Variants in ECPAS observed in about 807,000 individuals in gnomAD.
ECPAS encodes proteasome adapter and scaffold protein ECM29.
Under a neutral mutation model 255.1 loss-of-function variants are expected in ECPAS, and 70 were observed. That is an observed-to-expected ratio of 0.27 (90% CI 0.23 to 0.33). The LOEUF is 0.33. ECPAS is among the 10% of genes least tolerant of loss of function. The pLI, the probability that ECPAS is intolerant of heterozygous loss-of-function variation, is 1.00. For synonymous variants in ECPAS, 784 were observed against 775.0 expected (o/e 1.01, Z -0.19); for missense variants, 1,817 against 2,206.4 (o/e 0.82, Z 3.54).
chr9:111,370,397 A>C (rs2098125890), intron 45 of ECPAS, 38 bp downstream of exon 45: 1 of 1,369,406 alleles, frequency 7.3e-7, no homozygotes. Context: ...TTTTCTTTTT[A>C]AAGTATAAAC....
chr9:111,451,677 C>T (rs1163451336), intron 2 of ECPAS, 122 bp from the exon 3 acceptor site: 2 of 870,084 alleles, frequency 2.3e-6, no homozygotes, highest in East Asian at 2.7e-5. Flanking sequence ...TTAACCACAG[C>T]TAGCCCTATA....
chr9:111,449,883 A>C (rs2098258009), intron 3 of ECPAS, among the ~76,000 whole-genome samples: 1 of 152,010 alleles, frequency 6.6e-6, no homozygotes, highest in Non-Finnish European at 1.5e-5. Flanking sequence ...AAGGCATCAC[A>C]CTCTGTCCCA....
chr9:111,432,787 T>A (rs2098232060), intron 8 of ECPAS, among the ~76,000 whole-genome samples: 1 of 152,258 alleles, frequency 6.6e-6, no homozygotes, highest in Admixed American at 6.5e-5. Flanking sequence ...TTCCTATCTG[T>A]ATCTCCTCGT....
chr9:111,384,862 T>TATGTGAGA (rs2098145709), intron 33 of ECPAS, among the ~76,000 whole-genome samples: 1 of 152,186 alleles, frequency 6.6e-6, no homozygotes, highest in South Asian at 2.1e-4. Context: ...CATAAAGATC[T>TATGTGAGA]ATGTGAGAAT....
At chr9:111,462,057 C>T (rs973736481) in intron 2 of ECPAS, among the ~76,000 whole-genome samples, 63 of 152,274 alleles carry the variant, frequency 4.1e-4, no homozygotes, top group African/African-American at 1.3e-3. Flanking sequence ...TGGACGGGGA[C>T]ACAGAGCCAA....
intron 32 of ECPAS, among the ~76,000 whole-genome samples, chr9:111,385,978 A>C: frequency 6.6e-6 from 1 of 152,234 alleles, no homozygotes; most frequent in East Asian, 1.9e-4. Flanking sequence ...GTTTTGAGAC[A>C]GAGTCTCATC....
chr9:111,393,263 A>C (rs184662184), intron 27 of ECPAS, among the ~76,000 whole-genome samples: 38 of 152,366 alleles, frequency 2.5e-4, no homozygotes, highest in East Asian at 9.6e-4. Flanking sequence ...ATGCAAGACC[A>C]TATGTTTAAA....
chr9:111,363,055 T>A (rs928479189), intron 49 of ECPAS, among the ~76,000 whole-genome samples: 1 of 151,894 alleles, frequency 6.6e-6, no homozygotes, highest in Admixed American at 6.6e-5. Context: ...AAGAAGAGGG[T>A]CCTCCTTCTG....
At position 111,414,414 on chromosome 9, in the gene ECPAS, G is replaced by A. The variant is rs755380450; in HGVS notation, c.1987+15C>T. The A allele has an allele frequency of 1.6e-5, 26 of 1,603,950 alleles. No individual in the cohort carries two copies. The highest frequency in any genetic ancestry group is 1.1e-4 in the South Asian group (10 of 90,692). ...AAGTGCTTCAGTATCTTTCCTTCGC[G>A]TCACATATTCCTACCTCCAACACCT... On this transcript the variant is annotated intron_variant, in intron 19 of 49. Transcript: ENST00000684092.
chr9:111,389,373 T>A (rs943335255), intron 31 of ECPAS, among the ~76,000 whole-genome samples, 183 bp downstream of exon 31: 12 of 152,246 alleles, frequency 7.9e-5, no homozygotes, highest in African/African-American at 2.9e-4. Flanking sequence ...TTTCAATAAA[T>A]GTTGCCATAC....
intron 38 of ECPAS, 62 bp from the exon 39 acceptor site, chr9:111,374,100 A>AAATT: frequency 7.4e-7 from 1 of 1,349,522 alleles, no homozygotes; most frequent in Non-Finnish European, 1.1e-6. Flanking sequence ...CTACCAAACC[A>AAATT]TTGGCTTAGG....
intron 5 of ECPAS, 116 bp from the exon 6 acceptor site, chr9:111,440,637 T>C: frequency 2.7e-6 from 2 of 728,416 alleles, no homozygotes; most frequent in Non-Finnish European, 4.4e-6. Flanking sequence ...GCAAGAGACA[T>C]TCCTTTTCAA....
rs1161886353 is a variant in ECPAS at position 111,378,565 on chromosome 9, G to A, written c.3954+15C>T. 1.2e-6 allele frequency: 2 copies of A among 1,609,920 alleles called. No individual in the cohort carries two copies. The highest frequency in any genetic ancestry group is 2.7e-5 in the African/African-American group (2 of 74,962). ...CCTCATGATACTTACCAATATGCCTGCGCTATCCACTCACCTTTTCTTGCT... is the reference window on the plus strand; with the variant it reads ...CCTCATGATACTTACCAATATGCCTACGCTATCCACTCACCTTTTCTTGCT... On this transcript the variant is annotated intron_variant, in intron 36 of 49. Coordinates refer to ENST00000684092, the MANE Select transcript of ECPAS (RefSeq NM_001364929.1).
chr9:111,425,635 G>T, intron 11 of ECPAS, 108 bp downstream of exon 11: 1 of 959,854 alleles, frequency 1.0e-6, no homozygotes, highest in Non-Finnish European at 1.5e-6. Flanking sequence ...TTTTAAAGAT[G>T]AGCAAACATG....
intron 35 of ECPAS, among the ~76,000 whole-genome samples, chr9:111,381,214 C>CA (rs2098140156): frequency 6.6e-6 from 1 of 152,160 alleles, no homozygotes; most frequent in Non-Finnish European, 1.5e-5. Context: ...TTCATTTAGA[C>CA]AGAGGGCATT....
chr9:111,366,693 T>C (rs1229130788), intron 46 of ECPAS, 66 bp from the exon 47 acceptor site: 1 of 991,308 alleles, frequency 1.0e-6, no homozygotes, highest in Non-Finnish European at 1.6e-6. Context: ...ATGGAATAAA[T>C]GAGGGACAGG....
At position 111,469,844 on chromosome 9, in the gene ECPAS, G is replaced by C. The variant is rs138246159; in HGVS notation, c.22+3053C>G. Among the ~76,000 whole-genome samples, 25 of 151,910 alleles carry C rather than the reference G, an allele frequency of 1.6e-4. 1 individual carries two copies. In the East Asian group the frequency reaches 4.1e-3, roughly 25 times the overall value. On this transcript the variant is annotated intron_variant, in intron 2 of 49. Transcript: ENST00000684092. ...AAGACGCCATCTCAAAAAAAAGAAT[G>C]TCTAGAAATGTGATCTCTACTCCTG... is the stretch of plus-strand genomic sequence containing the variant.
At chr9:111,413,551 C>T (rs1481656075) in intron 20 of ECPAS, among the ~76,000 whole-genome samples, 1 of 151,250 alleles carries the variant, frequency 6.6e-6, no homozygotes, top group Non-Finnish European at 1.5e-5. Flanking sequence ...AATTAGAAGG[C>T]TTGGGTAGGT....
intron 24 of ECPAS, among the ~76,000 whole-genome samples, chr9:111,398,998 C>A (rs1237683566): frequency 1.3e-5 from 2 of 151,834 alleles, no homozygotes; most frequent in Non-Finnish European, 2.9e-5. Flanking sequence ...TGGCTATAGT[C>A]AATAATAATT....
Sources: gnomAD v4.1 joint callset for allele counts (sites outside exome capture counted in the v4.1 genomes callset) on GRCh38, gnomAD v4.1.1 for gene constraint, MANE v1.5 for transcripts, NCBI Gene and HGNC (gene_info 2026-07-23, HGNC 2026-07-21) for gene names.